The following ERCC4 variants were observed in gnomAD, a reference collection of about 807,000 sequenced individuals.
ERCC4 encodes the protein ERCC excision repair 4, endonuclease catalytic subunit.
ERCC4 carries 65 observed loss-of-function variants against 76.9 expected under a neutral mutation model. That is an observed-to-expected ratio of 0.84 (90% CI 0.69 to 1.04). ERCC4 has a LOEUF of 1.04. Among genes scored for constraint, ERCC4 ranks in the 50% least tolerant of loss-of-function variants. ERCC4 has a pLI of 0.00. For missense variants in ERCC4, 1,214 were observed against 1,128.2 expected, an observed-to-expected ratio of 1.08 and a Z score of -1.09; for synonymous variants, 463 against 410.1, an observed-to-expected ratio of 1.13 and a Z score of -1.56.
rs564658450 is a variant in ERCC4 at position 13,948,607 on chromosome 16, G to C, written c.*260G>C. On this transcript the variant is annotated 3_prime_UTR_variant, in exon 11 of 11. Transcript: ENST00000311895. ...TTTCTTTTTAAATGAGGTTTGTCAG[G>C]ATCAGGTAAAGTTCCTACAAGTGAT... is the stretch of plus-strand genomic sequence containing the variant. The C allele has an allele frequency of 2.1e-6, 1 of 482,828 alleles. No individual in the cohort carries two copies. Among genetic ancestry groups the C allele is most frequent in the African/African-American group, 1.9e-5 (1 of 51,788 alleles). 29.9% of individuals were successfully genotyped at this position (482,828 alleles called of 1,614,324 possible).
At chr16:13,930,597 C>A in intron 4 of ERCC4, 113 bp from the exon 5 acceptor site, 1 of 776,550 alleles carries the variant, frequency 1.3e-6, no homozygotes. Flanking sequence ...TAAAATTTAC[C>A]ATTTTAACCA....
chr16:13,944,731 C>T lies in ERCC4; in HGVS notation c.1913C>T (p.Ala638Val). 1 of 1,611,248 alleles carries T rather than the reference C, an allele frequency of 6.2e-7. No individual in the cohort carries two copies. Among genetic ancestry groups the T allele is most frequent in the Non-Finnish European group, 8.5e-7 (1 of 1,177,402 alleles). The part of the protein sequence containing the change: ...EAFEKLIREK[A>V]SMVVPEEREG... ...AATGTTTTCTCCCACAGGGAAAAAG[C>T]AAGCATGGTTGTCCCTGAAGAAAGA... The change falls in exon 10 of 11, where the codon GCA (alanine) becomes GTA (valine). Residue 638 changes from alanine (A) to valine (V), a missense_variant. By Grantham distance (64) the Ala-to-Val change is moderately conservative (BLOSUM62 0). Coordinates refer to ENST00000311895, the MANE Select transcript of ERCC4 (RefSeq NM_005236.3).
intron 9 of ERCC4, among the ~76,000 whole-genome samples, chr16:13,940,037 C>G (rs1009079960): frequency 3.9e-5 from 6 of 152,216 alleles, no homozygotes; most frequent in African/African-American, 1.4e-4. Context: ...TTCACTAGAA[C>G]TCACATGAGT....
At chr16:13,937,895 C>A in intron 9 of ERCC4, 37 bp downstream of exon 9, 1 of 1,263,870 alleles carries the variant, frequency 7.9e-7, no homozygotes, top group Non-Finnish European at 1.2e-6. Context: ...GCCCCAACTA[C>A]ATTGGAAACC....
rs3136226 is a variant in ERCC4 at position 13,948,391 on chromosome 16, G to A, written c.*44G>A. On this transcript the variant is annotated 3_prime_UTR_variant, in exon 11 of 11. Coordinates refer to ENST00000311895, the MANE Select transcript of ERCC4 (RefSeq NM_005236.3). ...TTATCCCATGCCTGTACTTTTCAGC[G>A]GCTCCTTGCCAGACATCATAGGTCA... 57 of 1,596,912 alleles carry A rather than the reference G, an allele frequency of 3.6e-5. No homozygotes were observed. Among genetic ancestry groups the A allele is most frequent in the South Asian group, 2.1e-4 (19 of 90,724 alleles).
intron 10 of ERCC4, among the ~76,000 whole-genome samples, chr16:13,946,567 T>G (rs374077810): frequency 6.6e-6 from 1 of 152,218 alleles, no homozygotes; most frequent in Non-Finnish European, 1.5e-5. Context: ...TATTAATAGG[T>G]TGCAGGGATT....
Position 13,938,907 on chromosome 16 carries a change from C to G in ERCC4, c.1904+1049C>G, listed in dbSNP as rs186000992. Among the ~76,000 whole-genome samples, 5 of 152,242 alleles carry G rather than the reference C, an allele frequency of 3.3e-5. No homozygotes were observed. The East Asian group carries it at 9.6e-4, about 29-fold the overall frequency. On this transcript the variant is annotated intron_variant, in intron 9 of 10. Transcript: ENST00000311895. ...ATTTGCTGAATCAGTGGCATGGAGTCCCACGATGGGGGTCAGCATGGTGCA... is the reference window on the plus strand; with the variant it reads ...ATTTGCTGAATCAGTGGCATGGAGTGCCACGATGGGGGTCAGCATGGTGCA...
intron 1 of ERCC4, among the ~76,000 whole-genome samples, chr16:13,921,203 T>C (rs2031969174): frequency 6.6e-6 from 1 of 151,660 alleles, no homozygotes; most frequent in Admixed American, 6.6e-5. Flanking sequence ...GACCAGGAAA[T>C]AGGACATTCA....
intron 5 of ERCC4, 135 bp from the exon 6 acceptor site, chr16:13,932,022 C>A: frequency 1.2e-6 from 1 of 804,326 alleles, no homozygotes; most frequent in Non-Finnish European, 2.2e-6. Flanking sequence ...CGACAGATCA[C>A]AGTAGTGGGA....
chr16:13,928,712 A>G (rs1448305769), intron 4 of ERCC4, among the ~76,000 whole-genome samples: 1 of 152,124 alleles, frequency 6.6e-6, no homozygotes, highest in Non-Finnish European at 1.5e-5. Context: ...AGTTCCAGGA[A>G]TTTTTATTCT....
At chr16:13,926,486 A>C (rs1417397710) in intron 2 of ERCC4, 75 bp from the exon 3 acceptor site, 1 of 1,264,260 alleles carries the variant, frequency 7.9e-7, no homozygotes, top group African/African-American at 1.5e-5. Flanking sequence ...TCTTGTAAGT[A>C]CTTAAGAAAA....
Position 13,947,771 on chromosome 16 carries a change from G to A in ERCC4, c.2175G>A (p.Glu725=), listed in dbSNP as rs769731155. Residue 725 remains glutamate, a synonymous_variant, in exon 11 of 11, where the codon GAG becomes GAA. Coordinates refer to ENST00000311895, the MANE Select transcript of ERCC4 (RefSeq NM_005236.3). ...TCCTCACTCCAGAAATGTGCGTGGAGCGCAAGAGTATCAGTGATTTAATCG... is the reference window on the plus strand; with the variant it reads ...TCCTCACTCCAGAAATGTGCGTGGAACGCAAGAGTATCAGTGATTTAATCG... The part of the protein sequence containing the change: ...DYILTPEMCV[E]RKSISDLIGS... 23 of 1,614,104 alleles carry A rather than the reference G, an allele frequency of 1.4e-5. No individual in the cohort carries two copies. In the East Asian group the frequency reaches 4.9e-4, roughly 34 times the overall value.
chr16:13,945,318 A>G (rs186892423), intron 10 of ERCC4, among the ~76,000 whole-genome samples: 1 of 151,940 alleles, frequency 6.6e-6, no homozygotes, highest in East Asian at 1.9e-4. Context: ...TCTTCTTGGT[A>G]GCTCCCCAGA....
chr16:13,927,969 C>G (rs568308691), intron 3 of ERCC4, 59 bp from the exon 4 acceptor site: 1 of 1,285,774 alleles, frequency 7.8e-7, no homozygotes, highest in African/African-American at 1.5e-5. Flanking sequence ...TAAACCAAGA[C>G]CAGAAATACA....
chr16:13,926,904 C>T (rs1249573862), intron 3 of ERCC4, 148 bp downstream of exon 3: 8 of 669,832 alleles, frequency 1.2e-5, no homozygotes, highest in East Asian at 1.1e-4. Flanking sequence ...TTATAACAAA[C>T]ACATCCAGCT....
At chr16:13,925,844 A>G (rs1418734896) in intron 2 of ERCC4, among the ~76,000 whole-genome samples, 1 of 152,176 alleles carries the variant, frequency 6.6e-6, no homozygotes, top group Non-Finnish European at 1.5e-5. Context: ...GACACAATAT[A>G]TATGAAAGAT....
intron 9 of ERCC4, among the ~76,000 whole-genome samples, chr16:13,938,708 A>G (rs896761695): frequency 6.6e-6 from 1 of 152,362 alleles, no homozygotes; most frequent in East Asian, 1.9e-4. Context: ...GACATTGGCA[A>G]TGGAGGGCAG....
chr16:13,924,255 AC>A (rs1300138169), intron 2 of ERCC4, among the ~76,000 whole-genome samples: 1 of 151,994 alleles, frequency 6.6e-6, no homozygotes, highest in Non-Finnish European at 1.5e-5. Flanking sequence ...TTACCACCAC[AC>A]CCCACCCTGG....
At chr16:13,939,324 A>G (rs2032367998) in intron 9 of ERCC4, among the ~76,000 whole-genome samples, 1 of 152,152 alleles carries the variant, frequency 6.6e-6, no homozygotes, top group South Asian at 2.1e-4. Context: ...GTGCAGAAAA[A>G]GCCTCTGCCC....
Sources: allele counts gnomAD v4.1 joint callset (sites outside exome capture counted in the v4.1 genomes callset), GRCh38; gene constraint gnomAD v4.1.1; transcripts MANE v1.5; gene names NCBI Gene and HGNC (gene_info 2026-07-23, HGNC 2026-07-21).